The following PKHD1 variants were observed in gnomAD, a reference collection of about 807,000 sequenced individuals.
The protein encoded by PKHD1 is PKHD1 ciliary IPT domain containing fibrocystin/polyductin.
Under a neutral mutation model 412.0 loss-of-function variants are expected in PKHD1, and 291 were observed. The ratio of observed to expected loss-of-function variants is 0.71; its 90% CI spans 0.64 to 0.78. The LOEUF (loss-of-function observed/expected upper bound fraction) is 0.78, where lower values mean the gene tolerates loss of function less well. Ranked by LOEUF, PKHD1 falls within the 30% of genes least tolerant of loss-of-function variation. The probability of loss-of-function intolerance (pLI) is 0.00; values close to 1 mark genes in which losing one functional copy is unlikely to be tolerated. For synonymous variants in PKHD1, 1,777 were observed against 1,821.5 expected, an observed-to-expected ratio of 0.98 and a Z score of 0.62; for missense variants, 4,825 against 4,950.7, an observed-to-expected ratio of 0.97 and a Z score of 0.76.
intron 60 of PKHD1, among the ~76,000 whole-genome samples, chr6:51,670,538 T>C (rs1293717914): frequency 6.6e-6 from 1 of 151,586 alleles, no homozygotes; most frequent in Non-Finnish European, 1.5e-5. Flanking sequence ...GAGCATTTAG[T>C]CCATTTACAT....
chr6:52,013,626 A>G (rs769719074), intron 34 of PKHD1, among the ~76,000 whole-genome samples: 6 of 152,130 alleles, frequency 3.9e-5, no homozygotes, highest in Non-Finnish European at 8.8e-5. Flanking sequence ...AGAGAGATCA[A>G]TATATGTACA....
At chr6:51,735,482 T>C (rs1783721667) in intron 60 of PKHD1, among the ~76,000 whole-genome samples, 1 of 152,192 alleles carries the variant, frequency 6.6e-6, no homozygotes, top group Non-Finnish European at 1.5e-5. Context: ...GCTAGAATAA[T>C]TGTACAATCT....
rs4711985 is a variant in PKHD1 at position 51,885,765 on chromosome 6, A to T, written c.7215+102T>A. 315,287 of 795,096 alleles carry T rather than the reference A, an allele frequency of 0.4. 70,791 individuals are homozygous for T. Among genetic ancestry groups the T allele is most frequent in the East Asian group, 0.83 (31,314 of 37,568 alleles). The allele number at this position is 795,096 out of a possible 1,614,324, so 49.3% of individuals were successfully genotyped here. On this transcript the variant is annotated intron_variant, in intron 45 of 66. Coordinates refer to ENST00000371117, the MANE Select transcript of PKHD1 (RefSeq NM_138694.4). Reference sequence around the variant, plus strand: ...CAATGCTCCCCTCAAGGGCAAGTCAATCCCATTTAAGTAGATATGCATAAT... The same window carrying T: ...CAATGCTCCCCTCAAGGGCAAGTCATTCCCATTTAAGTAGATATGCATAAT...
At chr6:51,979,192 T>C (rs1419036604) in intron 35 of PKHD1, among the ~76,000 whole-genome samples, 5 of 152,062 alleles carry the variant, frequency 3.3e-5, no homozygotes, top group Non-Finnish European at 5.9e-5. Context: ...ATACAGAACA[T>C]ACAGAGTGTG....
intron 5 of PKHD1, among the ~76,000 whole-genome samples, chr6:52,079,025 C>T (rs763735270): frequency 2.0e-5 from 3 of 152,108 alleles, no homozygotes; most frequent in Non-Finnish European, 4.4e-5. Context: ...AGCCTTATTC[C>T]GAAGGAGCAT....
chr6:51,753,282 T>A lies in PKHD1; in HGVS notation c.8869A>T (p.Ile2957Leu), dbSNP rs1786412471. The change falls in exon 57 of 67, where the codon ATA (isoleucine) becomes TTA (leucine). Residue 2957 changes from isoleucine (I) to leucine (L), a missense_variant. Transcript: ENST00000371117. ...CATGATACGTCAGGCTGAATTTGTA[T>A]ATTTCGGGTCAACAGTCCAACCTCA... ...AAEVGLLTRN[I>L]QIQPDVSCRG... 1 of 1,613,726 alleles carries A rather than the reference T, an allele frequency of 6.2e-7. No homozygotes were observed. Among genetic ancestry groups the A allele is most frequent in the African/African-American group, 1.3e-5 (1 of 74,896 alleles).
At chr6:52,069,098 A>G (rs1469961941) in intron 11 of PKHD1, among the ~76,000 whole-genome samples, 1 of 152,238 alleles carries the variant, frequency 6.6e-6, no homozygotes, top group Non-Finnish European at 1.5e-5. Flanking sequence ...AAATTATTGA[A>G]TGAATGCTCA....
chr6:51,622,813 A>T (rs1315870362), intron 66 of PKHD1: 1 of 152,158 alleles, frequency 6.6e-6, no homozygotes, highest in Non-Finnish European at 1.5e-5. Flanking sequence ...ATATTTTATA[A>T]AATGTGAATC....
At chr6:51,923,713 C>T (rs1268100414) in intron 37 of PKHD1, among the ~76,000 whole-genome samples, 1 of 152,136 alleles carries the variant, frequency 6.6e-6, no homozygotes, top group African/African-American at 2.4e-5. Context: ...GAAACCGGTT[C>T]TTTGTACCTC....
intron 64 of PKHD1, among the ~76,000 whole-genome samples, chr6:51,633,977 T>C (rs1467049851): frequency 6.6e-6 from 1 of 152,036 alleles, no homozygotes. Flanking sequence ...TTCATGGGAG[T>C]AGGCATTCAT....
At chr6:51,739,107 A>T in intron 60 of PKHD1, among the ~76,000 whole-genome samples, 1 of 147,258 alleles carries the variant, frequency 6.8e-6, no homozygotes, top group East Asian at 2.0e-4. Flanking sequence ...TTTTATATAT[A>T]TTTATATATT....
At chr6:51,823,880 C>G (rs1766884123) in intron 52 of PKHD1, among the ~76,000 whole-genome samples, 1 of 152,172 alleles carries the variant, frequency 6.6e-6, no homozygotes, top group Admixed American at 6.6e-5. Flanking sequence ...GTGGTCATTG[C>G]AACTAGAAGG....
intron 33 of PKHD1, among the ~76,000 whole-genome samples, chr6:52,018,065 C>A (rs1014156994): frequency 1.3e-5 from 2 of 152,090 alleles, no homozygotes; most frequent in African/African-American, 4.8e-5. Context: ...ATTCTTGGGT[C>A]TGATTTTTTC....
At chr6:51,992,329 C>T (rs887672923) in intron 35 of PKHD1, among the ~76,000 whole-genome samples, 5 of 152,140 alleles carry the variant, frequency 3.3e-5, no homozygotes, top group Non-Finnish European at 7.4e-5. Flanking sequence ...ATATGTTTTT[C>T]TTTCCATTTT....
At chr6:51,691,830 T>C (rs1582112327) in intron 60 of PKHD1, among the ~76,000 whole-genome samples, 4 of 152,140 alleles carry the variant, frequency 2.6e-5, no homozygotes, top group Non-Finnish European at 4.4e-5. Context: ...TGGGATTCGA[T>C]TAAGTAAATT....
At chr6:51,822,382 A>C (rs1371727674) in intron 52 of PKHD1, among the ~76,000 whole-genome samples, 1 of 152,070 alleles carries the variant, frequency 6.6e-6, no homozygotes, top group East Asian at 1.9e-4. Flanking sequence ...TTTACTGTTA[A>C]CCACCTCCAT....
chr6:51,881,240 G>A (rs546648537), intron 46 of PKHD1, among the ~76,000 whole-genome samples: 1 of 151,720 alleles, frequency 6.6e-6, no homozygotes, highest in African/African-American at 2.4e-5. Context: ...TTTTTTCAAT[G>A]AATTTTATTC....
chr6:51,981,304 GCTCAAGCT>G (rs1562045410), intron 35 of PKHD1, among the ~76,000 whole-genome samples: 367 of 22,012 alleles, frequency 0.017, 21 homozygotes, highest in South Asian at 0.042. Context: ...AGGCTCCAAA[GCTCAAGCT>G]CTCCCTCTCC....
chr6:52,062,630 T>C lies in PKHD1; in HGVS notation c.1007A>G (p.Asp336Gly). The change falls in exon 14 of 67, where the codon GAT becomes GGT. Residue 336 changes from aspartate to glycine, a missense_variant. Physicochemically the swap from Asp to Gly is moderately conservative, Grantham distance 94. Transcript: ENST00000371117. ...GNRGLLFEVG[D>G]AVEGLELTEA... ...AGTCAGTTCCAGTCCCTCAACAGCATCTCCAACTTCAAAAAGAAGCCCTCG... is the reference window on the plus strand; with the variant it reads ...AGTCAGTTCCAGTCCCTCAACAGCACCTCCAACTTCAAAAAGAAGCCCTCG... 6.2e-7 allele frequency: 1 copy of C among 1,614,110 alleles called. No individual in the cohort carries two copies. Among genetic ancestry groups the C allele is most frequent in the Non-Finnish European group, 8.5e-7 (1 of 1,179,974 alleles).
Sources: allele counts gnomAD v4.1 joint callset (sites outside exome capture counted in the v4.1 genomes callset), GRCh38; gene constraint gnomAD v4.1.1; transcripts MANE v1.5; gene names NCBI Gene and HGNC (gene_info 2026-07-23, HGNC 2026-07-21).